The following YAF2 variants were observed in gnomAD, a reference collection of about 807,000 sequenced individuals.
The protein encoded by YAF2 is YY1-associated factor 2.
A neutral mutation model predicts 20.1 loss-of-function variants in YAF2; 7 were observed. The observed-to-expected ratio is 0.35, with a 90% CI of 0.20 to 0.65. The LOEUF (loss-of-function observed/expected upper bound fraction) is 0.65. Ranked by LOEUF, YAF2 falls within the 30% of genes least tolerant of loss-of-function variation. The pLI is 0.69. For synonymous variants in YAF2, 74 were observed against 76.0 expected (o/e 0.97, Z 0.14); for missense variants, 151 against 219.2 (o/e 0.69, Z 1.96).
chr12:42,210,425 G>A (rs557526677), intron 2 of YAF2: 29 of 1,533,868 alleles, frequency 1.9e-5, no homozygotes, highest in Middle Eastern at 1.7e-4. Flanking sequence ...TGTTCAGCAT[G>A]AGAATCTTCC....
Position 42,238,070 on chromosome 12 carries a change from G to T in YAF2, c.26+85C>A, listed in dbSNP as rs1180224784. The T allele has an allele frequency of 3.3e-6, 4 of 1,208,448 alleles. No individual in the cohort carries two copies. The African/African-American group carries it at 4.9e-5, about 15-fold the overall frequency. 74.9% of individuals were successfully genotyped at this position (1,208,448 alleles called of 1,614,324 possible). ...CCCCCGTGCTCGCCCCGGTGCCCGG[G>T]CGGCTAGCGAGGCGGCCACCCGAAG... is the stretch of plus-strand genomic sequence containing the variant. On this transcript the variant is annotated intron_variant, in intron 1 of 3. Transcript: ENST00000534854.
intron 2 of YAF2, among the ~76,000 whole-genome samples, chr12:42,192,798 A>G (rs74343037): frequency 6.6e-6 from 1 of 152,192 alleles, no homozygotes; most frequent in African/African-American, 2.4e-5. Context: ...CATAGTTTAC[A>G]TCTAGTTCTT....
At chr12:42,201,667 A>G (rs2066902217) in intron 2 of YAF2, among the ~76,000 whole-genome samples, 1 of 152,074 alleles carries the variant, frequency 6.6e-6, no homozygotes, top group Admixed American at 6.5e-5. Flanking sequence ...CACCTCCTGG[A>G]TTCAAGCAAT....
At chr12:42,209,986 C>G (rs145092392) in intron 2 of YAF2, among the ~76,000 whole-genome samples, 117 of 152,202 alleles carry the variant, frequency 7.7e-4, no homozygotes, top group African/African-American at 2.7e-3. Context: ...TTCGTAGAGA[C>G]AGGGTTTCTC....
At chr12:42,165,286 T>C (rs1015970294) in intron 2 of YAF2, among the ~76,000 whole-genome samples, 5 of 152,126 alleles carry the variant, frequency 3.3e-5, no homozygotes, top group Admixed American at 1.3e-4. Flanking sequence ...CATGTTTAAA[T>C]GGTCAGTATA....
intron 2 of YAF2, among the ~76,000 whole-genome samples, chr12:42,220,866 T>C (rs898764945): frequency 5.9e-5 from 9 of 152,164 alleles, no homozygotes; most frequent in Non-Finnish European, 1.2e-4. Context: ...ATCAAAGTGA[T>C]TATATTACTA....
chr12:42,229,754 T>C (rs2067921420), intron 2 of YAF2, among the ~76,000 whole-genome samples: 1 of 152,256 alleles, frequency 6.6e-6, no homozygotes, highest in Non-Finnish European at 1.5e-5. Context: ...GTACAGGATG[T>C]TACTATACTG....
At chr12:42,206,297 TAAAAA>T (rs33934066) in intron 2 of YAF2, among the ~76,000 whole-genome samples, 1 of 130,982 alleles carries the variant, frequency 7.6e-6, no homozygotes, top group Non-Finnish European at 1.6e-5. Flanking sequence ...TGCTCTTAGT[TAAAAA>T]AAAAAAAAAA....
At chr12:42,220,652 A>G (rs1565648216) in intron 2 of YAF2, among the ~76,000 whole-genome samples, 1 of 152,194 alleles carries the variant, frequency 6.6e-6, no homozygotes, top group Non-Finnish European at 1.5e-5. Context: ...TCCCTGGCAT[A>G]AAAATCATTT....
intron 2 of YAF2, among the ~76,000 whole-genome samples, chr12:42,218,229 G>C (rs1016284192): frequency 6.7e-5 from 6 of 90,224 alleles, no homozygotes; most frequent in Non-Finnish European, 1.4e-4. Context: ...CACACACACA[G>C]ATGATTATCG....
At chr12:42,203,827 A>G (rs1195438009) in intron 2 of YAF2, among the ~76,000 whole-genome samples, 1 of 152,244 alleles carries the variant, frequency 6.6e-6, no homozygotes, top group Non-Finnish European at 1.5e-5. Context: ...CAGGTAGGGT[A>G]ACTTTCCCTC....
intron 2 of YAF2, among the ~76,000 whole-genome samples, chr12:42,183,732 C>G (rs2066402246): frequency 6.6e-6 from 1 of 152,178 alleles, no homozygotes; most frequent in Non-Finnish European, 1.5e-5. Flanking sequence ...TACAGAAGAT[C>G]TAGCTAAGAG....
At chr12:42,218,996 T>C (rs999621156) in intron 2 of YAF2, among the ~76,000 whole-genome samples, 1 of 152,284 alleles carries the variant, frequency 6.6e-6, no homozygotes, top group East Asian at 1.9e-4. Context: ...GGGTAGGTAA[T>C]CCAGTCACAA....
rs1453810091 is a variant in YAF2 at position 42,217,338 on chromosome 12, A to T, written c.152+20261T>A. On this transcript the variant is annotated intron_variant, in intron 2 of 3. Coordinates refer to ENST00000534854, the MANE Select transcript of YAF2 (RefSeq NM_005748.6). ...AAATACACTTTTACTCTGATAATAC[A>T]GCTTTGCAACTAGCAAAGCAGTTGC... Among the ~76,000 whole-genome samples the T allele has an allele frequency of 4.6e-5, 7 of 152,312 alleles. No individual in the cohort carries two copies. The East Asian group carries it at 1.4e-3, about 29-fold the overall frequency.
At chr12:42,173,029 TGAGAGAGGGAGAGAGAGACAGAGAGA>T (rs1321254322) in intron 2 of YAF2, among the ~76,000 whole-genome samples, 1 of 151,486 alleles carries the variant, frequency 6.6e-6, no homozygotes, top group Non-Finnish European at 1.5e-5. Flanking sequence ...CAAATGGACA[TGAGAGAGGGAGAGAGAGACAGAGAGA>T]GAGAGAGGGA....
intron 2 of YAF2, among the ~76,000 whole-genome samples, chr12:42,225,475 T>A (rs141061400): frequency 7.2e-5 from 11 of 152,316 alleles, no homozygotes; most frequent in African/African-American, 2.6e-4. Context: ...ACATAAAACC[T>A]TGCCTAGGTT....
At chr12:42,187,437 G>T (rs1392626794) in intron 2 of YAF2, among the ~76,000 whole-genome samples, 1 of 151,962 alleles carries the variant, frequency 6.6e-6, no homozygotes, top group Non-Finnish European at 1.5e-5. Context: ...TGGGATTACA[G>T]CCCACCTTGT....
chr12:42,175,073 C>A (rs1227279937), intron 2 of YAF2, among the ~76,000 whole-genome samples: 12 of 152,246 alleles, frequency 7.9e-5, no homozygotes, highest in African/African-American at 2.9e-4. Context: ...AACTTGTACA[C>A]AAATGTTCAT....
chr12:42,214,120 A>T (rs1427674992), intron 2 of YAF2, among the ~76,000 whole-genome samples: 1 of 152,168 alleles, frequency 6.6e-6, no homozygotes, highest in East Asian at 1.9e-4. Context: ...ATTTACGACT[A>T]AATTGTGATC....
Sources: allele counts gnomAD v4.1 joint callset (sites outside exome capture counted in the v4.1 genomes callset), GRCh38; gene constraint gnomAD v4.1.1; transcripts MANE v1.5; gene names NCBI Gene and HGNC (gene_info 2026-07-23, HGNC 2026-07-21).